The following PDGFRA variants were observed in gnomAD, a reference collection of about 807,000 sequenced individuals.
PDGFRA encodes platelet-derived growth factor receptor alpha.
In PDGFRA, 25 loss-of-function variants were observed where a neutral mutation model predicts 121.5. The ratio of observed to expected loss-of-function variants is 0.21; its 90% confidence interval spans 0.15 to 0.29. The LOEUF (loss-of-function observed/expected upper bound fraction) is 0.29. Ranked by LOEUF, PDGFRA falls within the 10% of genes least tolerant of loss-of-function variation. PDGFRA has a pLI of 1.00. For synonymous variants in PDGFRA, 463 were observed against 494.8 expected (o/e 0.94, Z 0.85); for missense variants, 1,008 against 1,345.1 (o/e 0.75, Z 3.92).
rs1239986046 is a variant in PDGFRA at position 54,252,912 on chromosome 4, T to C, written c.-12-5845T>C. ...TACCTTTGCACATTGCCTTTGGTTATAGAGTCATGTCCAATGGCTCTTTAC... is the reference window on the plus strand; with the variant it reads ...TACCTTTGCACATTGCCTTTGGTTACAGAGTCATGTCCAATGGCTCTTTAC... On this transcript the variant is annotated intron_variant, in intron 1 of 22. Coordinates refer to ENST00000257290, the MANE Select transcript of PDGFRA (RefSeq NM_006206.6). 2.6e-5 allele frequency among the ~76,000 whole-genome samples: 4 copies of C among 151,326 alleles called. No homozygotes were observed. The Admixed American group carries it at 2.6e-4, about 10-fold the overall frequency.
At chr4:54,265,608 C>T (rs1722988867) in intron 5 of PDGFRA, among the ~76,000 whole-genome samples, 1 of 152,108 alleles carries the variant, frequency 6.6e-6, no homozygotes, top group Non-Finnish European at 1.5e-5. Flanking sequence ...GAAGTTTGCT[C>T]AATCCCAAGC....
At chr4:54,261,470 T>C (rs1420039423) in intron 3 of PDGFRA, 58 bp downstream of exon 3, 4 of 1,169,110 alleles carry the variant, frequency 3.4e-6, no homozygotes, top group Non-Finnish European at 5.1e-6. Context: ...TCCTGTTAAA[T>C]GTACTAAGGT....
At chr4:54,243,679 G>T (rs1010208003) in intron 1 of PDGFRA, 1 of 152,716 alleles carries the variant, frequency 6.5e-6, no homozygotes, top group Non-Finnish European at 1.5e-5. Flanking sequence ...TGAGGTATCA[G>T]GTTCCTATCA....
At chr4:54,269,681 C>T (rs1723229855) in intron 7 of PDGFRA, among the ~76,000 whole-genome samples, 1 of 133,392 alleles carries the variant, frequency 7.5e-6, no homozygotes, top group Non-Finnish European at 1.5e-5. Context: ...CTTGCTCTGT[C>T]ACCCAGGCTG....
At chr4:54,277,006 A>T (rs1723764219) in intron 12 of PDGFRA, among the ~76,000 whole-genome samples, 1 of 152,150 alleles carries the variant, frequency 6.6e-6, no homozygotes, top group Non-Finnish European at 1.5e-5. Flanking sequence ...AAGACAAAAG[A>T]TGCCCCTGTT....
intron 18 of PDGFRA, among the ~76,000 whole-genome samples, chr4:54,287,067 C>G (rs1724398398): frequency 6.6e-6 from 1 of 152,138 alleles, no homozygotes; most frequent in Non-Finnish European, 1.5e-5. Context: ...GTAATCGGCT[C>G]ATAGATCATT....
chr4:54,257,786 C>G (rs141234535), intron 1 of PDGFRA, among the ~76,000 whole-genome samples: 12 of 152,244 alleles, frequency 7.9e-5, no homozygotes, highest in Admixed American at 2.6e-4. Flanking sequence ...TCACAGTTTG[C>G]CAGAATAGTC....
chr4:54,260,211 T>C (rs1220654742), intron 2 of PDGFRA, among the ~76,000 whole-genome samples: 2 of 152,044 alleles, frequency 1.3e-5, no homozygotes, highest in Non-Finnish European at 2.9e-5. Flanking sequence ...CAAGACTCCA[T>C]CTCATAAAAA....
At chr4:54,276,173 C>G (rs1163478542) in intron 12 of PDGFRA, among the ~76,000 whole-genome samples, 1 of 152,104 alleles carries the variant, frequency 6.6e-6, no homozygotes, top group African/African-American at 2.4e-5. Flanking sequence ...ACAGCATCAG[C>G]TCCCTATAAT....
intron 1 of PDGFRA, among the ~76,000 whole-genome samples, chr4:54,252,878 C>T (rs4864844): frequency 1 from 149,924 of 150,666 alleles, 74,597 homozygotes; most frequent in Middle Eastern, 1. Context: ...GCCTACTGTC[C>T]GTTTACACTA....
chr4:54,291,061 G>C (rs916669804), intron 22 of PDGFRA, among the ~76,000 whole-genome samples: 6 of 152,122 alleles, frequency 3.9e-5, no homozygotes, highest in African/African-American at 1.4e-4. Context: ...ACTGCTCCCT[G>C]GCTGATTTGT....
rs768477862 is a variant in PDGFRA, at chr4:54,258,726, T to C, written c.-12-31T>C. 6.5e-6 allele frequency: 9 copies of C among 1,385,012 alleles called. No homozygotes were observed. In the Admixed American group the frequency reaches 1.2e-4, roughly 18 times the overall value. 85.8% of individuals were successfully genotyped at this position (1,385,012 alleles called of 1,614,324 possible). Reference sequence around the variant, plus strand: ...CTCCAGGGTTGTTTCTATTTGCTAATGCTGTTTCTGTTGACTTTTGACTTT... The same window carrying C: ...CTCCAGGGTTGTTTCTATTTGCTAACGCTGTTTCTGTTGACTTTTGACTTT... On this transcript the variant is annotated intron_variant, in intron 1 of 22. Coordinates refer to ENST00000257290, the MANE Select transcript of PDGFRA (RefSeq NM_006206.6).
At chr4:54,285,070 A>G (rs1724271031) in intron 16 of PDGFRA, among the ~76,000 whole-genome samples, 1 of 149,864 alleles carries the variant, frequency 6.7e-6, no homozygotes, top group Non-Finnish European at 1.5e-5. Flanking sequence ...ATTTTTTTGT[A>G]TTATTAGTAG....
At chr4:54,267,497 T>A in intron 6 of PDGFRA, 37 bp downstream of exon 6, 2 of 1,613,804 alleles carry the variant, frequency 1.2e-6, no homozygotes, top group Non-Finnish European at 8.5e-7. Flanking sequence ...TTGTCCATGC[T>A]GCTCGGGATC....
chr4:54,281,523 G>T (rs924446669), intron 16 of PDGFRA: 17 of 1,195,156 alleles, frequency 1.4e-5, no homozygotes, highest in Non-Finnish European at 1.9e-5. Flanking sequence ...AGAGTTATCG[G>T]AACCAGTACT....
rs763546890 is a variant in PDGFRA, at chr4:54,288,916, C to A, written c.2774+18C>A. The A allele has an allele frequency of 2.4e-5, 37 of 1,565,920 alleles. No homozygotes were observed. The highest frequency in any genetic ancestry group is 3.2e-5 in the Non-Finnish European group (36 of 1,135,902). ...AGTGAAGTGTGAGCTCCTTCCCCAT[C>A]CCGGGGGCCTGTGTTCACAGTCTGT... On this transcript the variant is annotated intron_variant, in intron 20 of 22. Coordinates refer to ENST00000257290, the MANE Select transcript of PDGFRA (RefSeq NM_006206.6).
chr4:54,285,342 C>T (rs556820000), intron 16 of PDGFRA, 29 bp from the exon 17 acceptor site: 2 of 859,326 alleles, frequency 2.3e-6, no homozygotes. Context: ...TGCCTGCCAG[C>T]ACCAATACAT....
At chr4:54,252,700 G>C (rs965163485) in intron 1 of PDGFRA, among the ~76,000 whole-genome samples, 3 of 152,248 alleles carry the variant, frequency 2.0e-5, no homozygotes, top group African/African-American at 7.2e-5. Context: ...TTTTGGGACT[G>C]TGAGAGAGTC....
At chr4:54,245,675 C>A (rs1221027017) in intron 1 of PDGFRA, among the ~76,000 whole-genome samples, 3 of 151,946 alleles carry the variant, frequency 2.0e-5, no homozygotes, top group Admixed American at 2.0e-4. Context: ...AAATAACCAG[C>A]TAACATCATA....
Sources: allele counts gnomAD v4.1 joint callset (sites outside exome capture counted in the v4.1 genomes callset), GRCh38; gene constraint gnomAD v4.1.1; transcripts MANE v1.5; gene names NCBI Gene and HGNC (gene_info 2026-07-23, HGNC 2026-07-21).